Variants in RANBP2 observed in about 807,000 individuals in gnomAD.
The protein encoded by RANBP2 is E3 SUMO-protein ligase RanBP2.
A neutral mutation model predicts 303.6 loss-of-function variants in RANBP2; 57 were observed. The ratio of observed to expected loss-of-function variants is 0.19; its 90% CI spans 0.15 to 0.23. The LOEUF (loss-of-function observed/expected upper bound fraction) is 0.23, where lower values mean the gene tolerates loss of function less well. Among genes scored for constraint, RANBP2 ranks in the 10% least tolerant of loss-of-function variants. The probability of loss-of-function intolerance (pLI) is 1.00; values close to 1 mark genes in which losing one functional copy is unlikely to be tolerated. For missense variants in RANBP2, 3,138 were observed against 3,780.8 expected, an observed-to-expected ratio of 0.83 and a Z score of 4.46; for synonymous variants, 1,167 against 1,301.5, an observed-to-expected ratio of 0.90 and a Z score of 2.23.
At chr2:109,075,776 G>A in the RANBP2 span, among the ~76,000 whole-genome samples, 1 of 150,358 alleles carries the variant, frequency 6.7e-6, no homozygotes, top group Non-Finnish European at 1.5e-5. Flanking sequence ...TAATCAAGAA[G>A]CAACAGAAAA....
chr2:109,594,291 G>A, the RANBP2 span, among the ~76,000 whole-genome samples: 1 of 151,986 alleles, frequency 6.6e-6, no homozygotes, highest in Non-Finnish European at 1.5e-5. Context: ...ATTGCAAATG[G>A]TGTCAATGAG....
At chr2:109,472,360 A>C in the RANBP2 span, among the ~76,000 whole-genome samples, 1 of 152,028 alleles carries the variant, frequency 6.6e-6, no homozygotes, top group African/African-American at 2.4e-5. Flanking sequence ...GCCGGTGTGC[A>C]TGCAGGGTGT....
the RANBP2 span, among the ~76,000 whole-genome samples, chr2:109,463,820 T>A: frequency 1.3e-5 from 2 of 152,180 alleles, no homozygotes; most frequent in Admixed American, 1.3e-4. Flanking sequence ...GAATTGTCCC[T>A]CAGTGGAGGC....
chr2:109,208,069 G>C, the RANBP2 span, among the ~76,000 whole-genome samples: 1 of 152,034 alleles, frequency 6.6e-6, no homozygotes, highest in African/African-American at 2.4e-5. Flanking sequence ...AAATATTTAC[G>C]GAATGCCTGT....
At chr2:108,988,832 T>C in the RANBP2 span, 1 of 152,206 alleles carries the variant, frequency 6.6e-6, no homozygotes, top group Non-Finnish European at 1.5e-5. Context: ...CGGTAAAGCT[T>C]GTTCAAACGC....
the RANBP2 span, among the ~76,000 whole-genome samples, chr2:109,572,323 C>T: frequency 2.0e-5 from 3 of 152,222 alleles, no homozygotes; most frequent in South Asian, 2.1e-4. Context: ...TTAGTAGAGA[C>T]GGGGTTTCAC....
chr2:108,799,649 T>A, the RANBP2 span, among the ~76,000 whole-genome samples: 1 of 152,238 alleles, frequency 6.6e-6, no homozygotes, highest in East Asian at 1.9e-4. Context: ...TAACTGAGCT[T>A]CTTCAATTTG....
At chr2:109,501,124 GAC>G in the RANBP2 span, among the ~76,000 whole-genome samples, 1 of 152,050 alleles carries the variant, frequency 6.6e-6, no homozygotes, top group African/African-American at 2.4e-5. Flanking sequence ...GGCAAATGGG[GAC>G]ACAGTTTTTC....
At chr2:109,252,677 G>T in the RANBP2 span, among the ~76,000 whole-genome samples, 3 of 152,206 alleles carry the variant, frequency 2.0e-5, no homozygotes, top group African/African-American at 7.2e-5. Context: ...GAACCTCATA[G>T]CTCAGCCTAG....
the RANBP2 span, among the ~76,000 whole-genome samples, chr2:109,538,397 A>G: frequency 1.6e-4 from 24 of 152,328 alleles, no homozygotes; most frequent in East Asian, 4.6e-3. Flanking sequence ...AAGGCTGTGG[A>G]TGTCTCTCAG....
the RANBP2 span, among the ~76,000 whole-genome samples, chr2:109,266,765 CA>C: frequency 6.6e-6 from 1 of 152,192 alleles, no homozygotes; most frequent in Non-Finnish European, 1.5e-5. Flanking sequence ...TAACAAGAGA[CA>C]GGGGTGAGCG....
the RANBP2 span, among the ~76,000 whole-genome samples, chr2:109,571,658 G>C: frequency 6.6e-6 from 1 of 152,154 alleles, no homozygotes; most frequent in East Asian, 1.9e-4. Flanking sequence ...GTTTTGCACT[G>C]CAAGACTGTC....
chr2:109,045,169 G>A, the RANBP2 span, among the ~76,000 whole-genome samples: 4 of 152,074 alleles, frequency 2.6e-5, no homozygotes, highest in Admixed American at 2.6e-4. Context: ...ATTGATACCT[G>A]CCTGGAAAGA....
chr2:109,432,727 T>C, the RANBP2 span: 1 of 1,559,110 alleles, frequency 6.4e-7, no homozygotes, highest in South Asian at 1.2e-5. Context: ...CTGCACGCCT[T>C]ACCGCTGTTG....
At chr2:109,371,402 A>G in the RANBP2 span, among the ~76,000 whole-genome samples, 1 of 152,138 alleles carries the variant, frequency 6.6e-6, no homozygotes, top group Non-Finnish European at 1.5e-5. Flanking sequence ...CCTCCAAACA[A>G]AAAGAAAGAA....
At chr2:108,907,892 C>A in the RANBP2 span, 1 of 1,613,536 alleles carries the variant, frequency 6.2e-7, no homozygotes, top group African/African-American at 1.3e-5. Flanking sequence ...GCAGACTTCT[C>A]CCTGGCCAGG....
chr2:108,786,129 CAA>C (rs5833303), downstream of RANBP2, among the ~76,000 whole-genome samples: 3 of 143,912 alleles, frequency 2.1e-5, no homozygotes, highest in South Asian at 2.2e-4. Context: ...TTTTTCTTTT[CAA>C]AAAAAAAAAG....
chr2:108,792,187 A>T, the RANBP2 span, among the ~76,000 whole-genome samples: 1 of 152,168 alleles, frequency 6.6e-6, no homozygotes, highest in Non-Finnish European at 1.5e-5. Flanking sequence ...CGGGATTTCA[A>T]GGAATGAGAC....
At chr2:109,585,506 C>T in the RANBP2 span, among the ~76,000 whole-genome samples, 1 of 152,194 alleles carries the variant, frequency 6.6e-6, no homozygotes, top group Admixed American at 6.5e-5. Context: ...TGCTAAGCTA[C>T]TCAGGACTCT....
Sources: allele counts gnomAD v4.1 joint callset (sites outside exome capture counted in the v4.1 genomes callset), GRCh38; gene constraint gnomAD v4.1.1; transcripts MANE v1.5; gene names NCBI Gene and HGNC (gene_info 2026-07-23, HGNC 2026-07-21).